Variants in MIDN observed in about 807,000 individuals in gnomAD.
MIDN encodes midnolin, also known as midbrain nucleolar protein.
MIDN carries 26 observed loss-of-function variants against 46.1 expected under a neutral mutation model. The ratio of observed to expected loss-of-function variants is 0.56; its 90% CI spans 0.41 to 0.78. MIDN has a LOEUF of 0.78. MIDN is among the 30% of genes least tolerant of loss of function. MIDN has a pLI of 0.00. For synonymous variants in MIDN, 432 were observed against 343.3 expected (o/e 1.26, Z -2.86); for missense variants, 850 against 771.8 (o/e 1.10, Z -1.20).
rs1381795848 is a variant in MIDN, at chr19:1,258,031, G to T, written c.*759G>T. On this transcript the variant is annotated 3_prime_UTR_variant, in exon 9 of 9. Coordinates refer to ENST00000682408, the MANE Select transcript of MIDN (RefSeq NM_001388306.1). ...CCCTTTCCTGTCGGGAAGGGAGAGGGGAACTACCCCCCCAGCCTGCCCTCC... is the reference window on the plus strand; with the variant it reads ...CCCTTTCCTGTCGGGAAGGGAGAGGTGAACTACCCCCCCAGCCTGCCCTCC... 1 of 152,442 alleles carries T rather than the reference G, an allele frequency of 6.6e-6. No individual in the cohort carries two copies. The highest frequency in any genetic ancestry group is 6.5e-5 in the Admixed American group (1 of 15,276). 9.4% of individuals were successfully genotyped at this position (152,442 alleles called of 1,614,324 possible).
intron 1 of MIDN, among the ~76,000 whole-genome samples, chr19:1,249,439 C>T (rs916915342): frequency 4.7e-5 from 7 of 149,928 alleles, no homozygotes; most frequent in Admixed American, 4.0e-4. Context: ...ACTTCCTGCC[C>T]CTCCCGGCGC....
At chr19:1,252,218 C>T (rs2081138752) in intron 4 of MIDN, among the ~76,000 whole-genome samples, 2 of 152,334 alleles carry the variant, frequency 1.3e-5, no homozygotes, top group South Asian at 2.1e-4. Flanking sequence ...TCCCCAGCCC[C>T]CTCCGCCCCC....
At position 1,255,032 on chromosome 19, in the gene MIDN, C is replaced by G. The variant is rs752070614; in HGVS notation, c.956C>G (p.Ala319Gly). The change falls in exon 7 of 9, where the codon GCC becomes GGC. Residue 319 changes from alanine to glycine, a missense_variant. Physicochemically the swap from Ala to Gly is moderately conservative, Grantham distance 60. Transcript: ENST00000682408. ...GAVIESFVNH[A>G]PGVFSGTFSG... The stretch of plus-strand genomic sequence containing the variant: ...GTCATCGAGAGCTTTGTGAATCACG[C>G]CCCGGGGGTCTTCTCAGGGACCTTC... The G allele has an allele frequency of 1.2e-6, 2 of 1,613,138 alleles. No homozygotes were observed. The highest frequency in any genetic ancestry group is 1.7e-6 in the Non-Finnish European group (2 of 1,179,750).
chr19:1,248,936 C>T (rs1202778226), intron 1 of MIDN, among the ~76,000 whole-genome samples: 1 of 152,030 alleles, frequency 6.6e-6, no homozygotes, highest in Non-Finnish European at 1.5e-5. Context: ...GCCACACGGT[C>T]CCAGTCTCCC....
At chr19:1,251,528 C>T (rs1478541537) in intron 2 of MIDN, 34 bp from the exon 3 acceptor site, 20 of 1,598,360 alleles carry the variant, frequency 1.3e-5, no homozygotes, top group East Asian at 9.0e-5. Flanking sequence ...GTGTCGTCTC[C>T]GCGGAGTCTC....
rs2081106007 is a variant in MIDN, at chr19:1,250,146, C to A, written c.-151C>A. ...TTTTGGATTTCGGTCTCGCATTCCG[C>A]GGCCGGGACTTTCTCGAGGAGGACG... On this transcript the variant is annotated 5_prime_UTR_variant, in exon 2 of 9. Transcript: ENST00000682408. 2 of 186,024 alleles carry A rather than the reference C, an allele frequency of 1.1e-5. No homozygotes were observed. Among genetic ancestry groups the A allele is most frequent in the Non-Finnish European group, 2.0e-5 (2 of 99,340 alleles). 11.5% of individuals were successfully genotyped at this position (186,024 alleles called of 1,614,324 possible).
intron 4 of MIDN, among the ~76,000 whole-genome samples, chr19:1,252,292 C>T (rs895052810): frequency 7.9e-4 from 121 of 152,256 alleles, no homozygotes; most frequent in African/African-American, 2.8e-3. Context: ...TTTTACATTT[C>T]TGCTGAGGGC....
intron 2 of MIDN, 34 bp from the exon 3 acceptor site, chr19:1,251,528 C>A: frequency 1.3e-6 from 2 of 1,598,478 alleles, no homozygotes; most frequent in Non-Finnish European, 8.5e-7. Flanking sequence ...GTGTCGTCTC[C>A]GCGGAGTCTC....
At chr19:1,253,150 G>A (rs1292648995) in intron 4 of MIDN, among the ~76,000 whole-genome samples, 4 of 152,012 alleles carry the variant, frequency 2.6e-5, no homozygotes, top group Non-Finnish European at 1.5e-5. Flanking sequence ...GTTGCAGGGC[G>A]GGTGGTGGTG....
chr19:1,258,820 AAAAG>A lies in MIDN; in HGVS notation c.*1549_*1552del, dbSNP rs1490320790. On this transcript the variant is annotated 3_prime_UTR_variant, in exon 9 of 9. Transcript: ENST00000682408. ...AAAAAAAAGAAAAAAAAATAGAAAA[AAAAG>A]GAGTAAAAGGGGCGGGTTTGTTTTT... 2.6e-5 allele frequency: 4 copies of A among 152,120 alleles called. No individual in the cohort carries two copies. The highest frequency in any genetic ancestry group is 6.5e-5 in the Admixed American group (1 of 15,280). 9.4% of individuals were successfully genotyped at this position (152,120 alleles called of 1,614,324 possible).
At position 1,254,150 on chromosome 19, in the gene MIDN, G is replaced by T; in HGVS notation, c.514-17G>T. The T allele has an allele frequency of 6.3e-7, 1 of 1,587,456 alleles. No individual in the cohort carries two copies. The highest frequency in any genetic ancestry group is 8.5e-7 in the Non-Finnish European group (1 of 1,172,816). On this transcript the variant is annotated splice_polypyrimidine_tract_variant and intron_variant, in intron 5 of 8. Transcript: ENST00000682408. ...CGCAAGCTGGGGCTCCCAGCTGACG[G>T]ACCGCTCTCCTTGCAGGTCAGTGAC...
Position 1,255,481 on chromosome 19 carries a change from A to G in MIDN, c.1045A>G (p.Ile349Val), listed in dbSNP as rs368745605. Residue 349 changes from isoleucine (I) to valine (V), a missense_variant, in exon 8 of 9, where the codon ATC (isoleucine) becomes GTC (valine). By Grantham distance (29) the Ile-to-Val change is conservative (BLOSUM62 3). Transcript: ENST00000682408. ...GCGGCCGCGGCGTGACATCGGCACC[A>G]TCCTGCAGATCCTGAACGACCTCCT... ...SGRPRRDIGT[I>V]LQILNDLLSA... 10 of 1,610,430 alleles carry G rather than the reference A, an allele frequency of 6.2e-6. No individual in the cohort carries two copies. The African/African-American group carries it at 1.3e-4, about 22-fold the overall frequency.
chr19:1,254,370 C>T lies in MIDN; in HGVS notation c.717C>T (p.Ser239=). 2 of 1,561,704 alleles carry T rather than the reference C, an allele frequency of 1.3e-6. No homozygotes were observed. Among genetic ancestry groups the T allele is most frequent in the Non-Finnish European group, 1.7e-6 (2 of 1,160,592 alleles). The stretch of plus-strand genomic sequence containing the variant: ...TGTCCTCGCCCTGCCGGCCGGTGTC[C>T]AGTGCCGCCCGAGTCCCCCCGGTGC... ...SPVSSPCRPV[S]SAARVPPVPT... is the part of the protein sequence containing the mutation. Residue 239 remains serine (S), a synonymous_variant, in exon 6 of 9, where the codon TCC becomes TCT. Coordinates refer to ENST00000682408, the MANE Select transcript of MIDN (RefSeq NM_001388306.1).
Position 1,253,856 on chromosome 19 carries a change from T to C in MIDN, c.385-98T>C, listed in dbSNP as rs547566408. 3,467 of 1,027,746 alleles carry C rather than the reference T, an allele frequency of 3.4e-3. 10 individuals carry two copies. The highest frequency in any genetic ancestry group is 4.0e-3 in the Non-Finnish European group (3,155 of 781,904). The allele number at this position is 1,027,746 out of a possible 1,614,324, so 63.7% of individuals were successfully genotyped here. On this transcript the variant is annotated intron_variant, in intron 4 of 8. Transcript: ENST00000682408. ...TTGTTTGAGGTCAGTGACTGCCAGC[T>C]GGGCCCCGCCCCCTCTGGCCTCAGT... is the stretch of plus-strand genomic sequence containing the variant.
chr19:1,258,148 A>G lies in MIDN; in HGVS notation c.*876A>G, dbSNP rs1309901987. On this transcript the variant is annotated 3_prime_UTR_variant, in exon 9 of 9. Coordinates refer to ENST00000682408, the MANE Select transcript of MIDN (RefSeq NM_001388306.1). ...CCTGAGTTTGGGGTATTTATAGACT[A>G]TTAATTTTCTGACTGAGCCAATAGT... The G allele has an allele frequency of 6.6e-6, 1 of 152,534 alleles. No homozygotes were observed. Among genetic ancestry groups the G allele is most frequent in the Non-Finnish European group, 1.5e-5 (1 of 68,052 alleles). 9.4% of individuals were successfully genotyped at this position (152,534 alleles called of 1,614,324 possible).
At position 1,250,458 on chromosome 19, in the gene MIDN, G is replaced by T; in HGVS notation, c.162G>T (p.Glu54Asp). ...DLAVPPDETV[E>D]GLRKRLSQRL... ...CCGTGCCGCCCGACGAGACGGTGGA[G>T]GGGCTGCGCAAGCGGTTGTCCCAGC... Residue 54 changes from glutamate to aspartate, a missense_variant, in exon 2 of 9, where the codon GAG (glutamate) becomes GAT (aspartate). Coordinates refer to ENST00000682408, the MANE Select transcript of MIDN (RefSeq NM_001388306.1). 7.2e-7 allele frequency: 1 copy of T among 1,389,852 alleles called. No individual in the cohort carries two copies. Among genetic ancestry groups the T allele is most frequent in the Non-Finnish European group, 9.5e-7 (1 of 1,049,740 alleles). The allele number at this position is 1,389,852 out of a possible 1,614,324, so 86.1% of individuals were successfully genotyped here.
At chr19:1,254,573 A>C in intron 6 of MIDN, 95 bp downstream of exon 6, 1 of 1,323,598 alleles carries the variant, frequency 7.6e-7, no homozygotes, top group Non-Finnish European at 1.0e-6. Context: ...TCTTAGTCCC[A>C]GGTGAGTCCC....
chr19:1,257,503 C>T lies in MIDN; in HGVS notation c.*231C>T, dbSNP rs1001351046. 6 of 484,922 alleles carry T rather than the reference C, an allele frequency of 1.2e-5. No individual in the cohort carries two copies. Among genetic ancestry groups the T allele is most frequent in the Non-Finnish European group, 2.1e-5 (6 of 280,160 alleles). The allele number at this position is 484,922 out of a possible 1,614,324, so 30.0% of individuals were successfully genotyped here. A position where few individuals can be genotyped will look rare whatever the true frequency, so the allele number is the denominator to read the frequency against. ...TGCTTCCTACCTCCTTCACCCTTCA[C>T]TCCTGCCCTCCTCTTCCTCCTCCTC... On this transcript the variant is annotated 3_prime_UTR_variant, in exon 9 of 9. Coordinates refer to ENST00000682408, the MANE Select transcript of MIDN (RefSeq NM_001388306.1).
intron 4 of MIDN, among the ~76,000 whole-genome samples, chr19:1,253,263 G>C (rs923660079): frequency 7.2e-5 from 11 of 151,786 alleles, no homozygotes; most frequent in African/African-American, 2.4e-4. Context: ...CAGGGTGGGG[G>C]CTTCACCCTG....
Sources: allele counts gnomAD v4.1 joint callset (sites outside exome capture counted in the v4.1 genomes callset), GRCh38; gene constraint gnomAD v4.1.1; transcripts MANE v1.5; gene names NCBI Gene and HGNC (gene_info 2026-07-23, HGNC 2026-07-21).